TENM2: variants seen among roughly 807,000 people sequenced by gnomAD.
TENM2 encodes the protein teneurin transmembrane protein 2.
A neutral mutation model predicts 245.2 loss-of-function variants in TENM2; 52 were observed. The observed-to-expected ratio is 0.21, with a 90% CI of 0.17 to 0.27. TENM2 has a LOEUF of 0.27. Ranked by LOEUF, TENM2 falls within the 10% of genes least tolerant of loss-of-function variation. The pLI, the probability that TENM2 is intolerant of heterozygous loss-of-function variation, is 1.00. For missense variants in TENM2, 3,046 were observed against 3,666.8 expected, an observed-to-expected ratio of 0.83 and a Z score of 4.37; for synonymous variants, 1,363 against 1,438.9, an observed-to-expected ratio of 0.95 and a Z score of 1.19.
the TENM2 span, among the ~76,000 whole-genome samples, chr5:167,169,152 T>G: frequency 2.6e-5 from 4 of 152,236 alleles, no homozygotes; most frequent in South Asian, 8.3e-4. Context: ...AGCTATTTAT[T>G]AAACCGCACT....
At chr5:167,822,026 ATTTTGTTTTGTTTTG>A (rs201426886) in intron 2 of TENM2, among the ~76,000 whole-genome samples, 1 of 151,698 alleles carries the variant, frequency 6.6e-6, no homozygotes, top group Non-Finnish European at 1.5e-5. Flanking sequence ...TTGTTTTTTC[ATTTTGTTTTGTTTTG>A]TTTTGTTTTG....
At chr5:167,917,846 T>C (rs945549098) in intron 3 of TENM2, among the ~76,000 whole-genome samples, 6 of 152,156 alleles carry the variant, frequency 3.9e-5, no homozygotes, top group Non-Finnish European at 5.9e-5. Context: ...AGGTAATAGT[T>C]CAACATGTTG....
At chr5:168,124,269 G>T (rs1330393963) in intron 10 of TENM2, among the ~76,000 whole-genome samples, 3 of 152,216 alleles carry the variant, frequency 2.0e-5, no homozygotes, top group Admixed American at 6.5e-5. Flanking sequence ...CCTTCAGTGG[G>T]TGTGTGCTCA....
At chr5:167,792,282 T>C (rs1268328603) in intron 2 of TENM2, among the ~76,000 whole-genome samples, 2 of 152,050 alleles carry the variant, frequency 1.3e-5, no homozygotes, top group African/African-American at 4.8e-5. Flanking sequence ...GCCATGATGT[T>C]GTCATTACAA....
At chr5:168,112,965 C>T (rs149041889) in intron 9 of TENM2, among the ~76,000 whole-genome samples, 17 of 152,196 alleles carry the variant, frequency 1.1e-4, no homozygotes, top group African/African-American at 2.9e-4. Context: ...GCTATTTTGA[C>T]GATTTGCCTG....
intron 2 of TENM2, among the ~76,000 whole-genome samples, chr5:167,523,808 A>G (rs958310722): frequency 1.3e-5 from 2 of 152,326 alleles, no homozygotes; most frequent in South Asian, 2.1e-4. Flanking sequence ...TGCAACTCTC[A>G]TAGTTTTTCT....
At chr5:167,087,574 A>G in the TENM2 span, among the ~76,000 whole-genome samples, 1 of 152,186 alleles carries the variant, frequency 6.6e-6, no homozygotes, top group Non-Finnish European at 1.5e-5. Flanking sequence ...TTTCTAACAC[A>G]TAGAATAGTA....
chr5:167,360,819 G>A (rs963797022), intron 1 of TENM2, among the ~76,000 whole-genome samples: 2 of 152,144 alleles, frequency 1.3e-5, no homozygotes, highest in Non-Finnish European at 2.9e-5. Flanking sequence ...ATTGGGAGTG[G>A]AAGTTTAATT....
chr5:167,444,914 C>T (rs895667264), intron 2 of TENM2, among the ~76,000 whole-genome samples: 3 of 152,288 alleles, frequency 2.0e-5, no homozygotes, highest in African/African-American at 2.4e-5. Flanking sequence ...TTTCTCATCA[C>T]TTACACATCA....
intron 2 of TENM2, among the ~76,000 whole-genome samples, chr5:167,391,619 C>T (rs1581919521): frequency 1.6e-5 from 1 of 61,946 alleles, no homozygotes; most frequent in Non-Finnish European, 2.7e-5. Flanking sequence ...AGCAAGACTT[C>T]ATCAAAAAAA....
chr5:167,133,587 C>T, the TENM2 span, among the ~76,000 whole-genome samples: 6 of 131,486 alleles, frequency 4.6e-5, no homozygotes, highest in Middle Eastern at 7.7e-3. Context: ...AACTTGTAGG[C>T]GGGTGCCTTG....
intron 12 of TENM2, among the ~76,000 whole-genome samples, chr5:168,151,410 C>T (rs903961031): frequency 9.2e-5 from 14 of 152,214 alleles, no homozygotes; most frequent in Admixed American, 1.3e-4. Context: ...TCCTAAACCA[C>T]GCACAGACCT....
intron 1 of TENM2, among the ~76,000 whole-genome samples, chr5:167,350,997 T>A (rs200068864): frequency 3.6e-5 from 2 of 56,180 alleles, no homozygotes; most frequent in East Asian, 5.2e-4. Context: ...TATATATGGA[T>A]TATATACATA....
chr5:168,028,102 G>A (rs1786785861), intron 5 of TENM2, among the ~76,000 whole-genome samples: 1 of 152,184 alleles, frequency 6.6e-6, no homozygotes, highest in African/African-American at 2.4e-5. Context: ...TTAGAAGGGT[G>A]GCTATGGTAT....
At chr5:167,502,409 G>A (rs773940689) in intron 2 of TENM2, among the ~76,000 whole-genome samples, 8 of 152,120 alleles carry the variant, frequency 5.3e-5, no homozygotes, top group Non-Finnish European at 1.0e-4. Context: ...CAAGAAACAA[G>A]TAAAATGCCA....
the TENM2 span, among the ~76,000 whole-genome samples, chr5:167,270,981 A>C: frequency 2.0e-5 from 3 of 152,142 alleles, no homozygotes; most frequent in African/African-American, 7.2e-5. Context: ...GGTGACTGGC[A>C]GGCATTCATG....
intron 2 of TENM2, among the ~76,000 whole-genome samples, chr5:167,723,159 G>A (rs1204794181): frequency 6.6e-6 from 1 of 152,156 alleles, no homozygotes; most frequent in East Asian, 1.9e-4. Flanking sequence ...AGGTCCCACT[G>A]TTGGCTAAGG....
chr5:168,203,248 T>A (rs2152536891), intron 17 of TENM2, among the ~76,000 whole-genome samples: 1 of 152,314 alleles, frequency 6.6e-6, no homozygotes, highest in Admixed American at 6.5e-5. Context: ...AATGAGCCAG[T>A]ACGATCCCAA....
chr5:167,866,294 T>A (rs1421343089), intron 2 of TENM2, among the ~76,000 whole-genome samples: 1 of 151,834 alleles, frequency 6.6e-6, no homozygotes, highest in Non-Finnish European at 1.5e-5. Flanking sequence ...AGGTCAGGAG[T>A]TCGAGACCAG....
Sources: gnomAD v4.1 joint callset for allele counts (sites outside exome capture counted in the v4.1 genomes callset) on GRCh38, gnomAD v4.1.1 for gene constraint, MANE v1.5 for transcripts, NCBI Gene and HGNC (gene_info 2026-07-23, HGNC 2026-07-21) for gene names.